The following SLC36A3 variants were observed in gnomAD, a reference collection of about 807,000 sequenced individuals.
The protein encoded by SLC36A3 is proton-coupled amino acid transporter 3.
In SLC36A3, 35 loss-of-function variants were observed where a neutral mutation model predicts 44.3. That is an observed-to-expected ratio of 0.79 (90% CI 0.60 to 1.05). The LOEUF is 1.05. SLC36A3 is among the 50% of genes least tolerant of loss of function. SLC36A3 has a pLI of 0.00. For synonymous variants in SLC36A3, 211 were observed against 227.6 expected (o/e 0.93, Z 0.66); for missense variants, 540 against 578.7 (o/e 0.93, Z 0.69).
At chr5:151,299,250 C>CTA (rs1291436379) in intron 1 of SLC36A3, among the ~76,000 whole-genome samples, 350 of 95,916 alleles carry the variant, frequency 3.6e-3, no homozygotes, top group Non-Finnish European at 6.0e-3. Flanking sequence ...CTCTCTCTCT[C>CTA]TCTCTCTCTC....
In SLC36A3 at chr5:151,303,752, C is replaced by G. The variant is rs6579851; in HGVS notation, c.-398G>C. ...TGGATTGGAGGTCCTGGTGCCTGGA[C>G]GTGGGGCCAGGCTCAGTGCTTGTCT... On this transcript the variant is annotated 5_prime_UTR_variant, in exon 1 of 10. Coordinates refer to ENST00000335230, the MANE Select transcript of SLC36A3 (RefSeq NM_181774.4). 10,045 of 163,942 alleles carry G rather than the reference C, an allele frequency of 0.061. 1,031 individuals carry two copies. The highest frequency in any genetic ancestry group is 0.22 in the African/African-American group (9,271 of 41,934). The allele number at this position is 163,942 out of a possible 1,614,324, so 10.2% of individuals were successfully genotyped here. A position where few individuals can be genotyped will look rare whatever the true frequency, so the allele number is the denominator to read the frequency against.
chr5:151,281,208 A>C (rs1368393), intron 8 of SLC36A3, 25 bp from the exon 9 acceptor site: 1 of 1,582,606 alleles, frequency 6.3e-7, no homozygotes, highest in African/African-American at 1.3e-5. Flanking sequence ...ATTGGATGTG[A>C]AAGGTGATGT....
intron 4 of SLC36A3, among the ~76,000 whole-genome samples, 185 bp downstream of exon 4, chr5:151,293,179 A>T (rs1754822013): frequency 6.6e-6 from 1 of 152,232 alleles, no homozygotes; most frequent in Non-Finnish European, 1.5e-5. Context: ...ATATTTACTA[A>T]CTAGGTTTCA....
chr5:151,277,748 A>G, intron 9 of SLC36A3, 87 bp from the exon 10 acceptor site: 1 of 1,493,166 alleles, frequency 6.7e-7, no homozygotes, highest in East Asian at 2.4e-5. Context: ...CAGACACCTG[A>G]GAGACCACTT....
chr5:151,282,113 T>TG (rs1697443083), intron 8 of SLC36A3, among the ~76,000 whole-genome samples: 1 of 58,900 alleles, frequency 1.7e-5, no homozygotes, highest in African/African-American at 5.1e-5. Flanking sequence ...TTTTCTTTGT[T>TG]TTTTTTTTTT....
At chr5:151,300,177 A>G (rs1165259000) in intron 1 of SLC36A3, among the ~76,000 whole-genome samples, 1 of 152,152 alleles carries the variant, frequency 6.6e-6, no homozygotes, top group Non-Finnish European at 1.5e-5. Context: ...GAGAGCCAAA[A>G]CCAACTGCCC....
In SLC36A3 at chr5:151,287,294, G is replaced by T. The variant is rs751853959; in HGVS notation, c.660C>A (p.Asn220Lys). The T allele has an allele frequency of 6.2e-7, 1 of 1,614,184 alleles. No individual in the cohort carries two copies. Among genetic ancestry groups the T allele is most frequent in the Non-Finnish European group, 8.5e-7 (1 of 1,180,038 alleles). The change falls in exon 6 of 10, where the codon AAC (asparagine) becomes AAA (lysine). Residue 220 changes from asparagine (N) to lysine (K), a missense_variant. Asn to Lys is a moderately conservative substitution (Grantham distance 94). Transcript: ENST00000335230. ...KVLSVFSTLANITTLGSMALI... is the reference protein window; with the variant it reads ...KVLSVFSTLAKITTLGSMALI... Reference sequence around the variant, plus strand: ...GAGCCATGCTCCCAAGGGTGGTGATGTTGGCCAATGTCGAGAAGACGGACA... The same window carrying T: ...GAGCCATGCTCCCAAGGGTGGTGATTTTGGCCAATGTCGAGAAGACGGACA...
intron 4 of SLC36A3, among the ~76,000 whole-genome samples, chr5:151,291,249 T>C (rs1056541608): frequency 6.6e-6 from 1 of 152,212 alleles, no homozygotes; most frequent in Admixed American, 6.5e-5. Context: ...CTCAAGGTGT[T>C]GGGATTACAG....
chr5:151,282,111 G>GTTTTTTTTTTTTTTTTT (rs70976011), intron 8 of SLC36A3, among the ~76,000 whole-genome samples: 2 of 56,104 alleles, frequency 3.6e-5, no homozygotes, highest in African/African-American at 1.4e-4. Flanking sequence ...CTTTTTCTTT[G>GTTTTTTTTTTTTTTTTT]TTTTTTTTTT....
intron 4 of SLC36A3, chr5:151,288,846 G>A (rs1032067761): frequency 6.5e-6 from 1 of 152,672 alleles, no homozygotes; most frequent in African/African-American, 2.4e-5. Context: ...GATCGTTGAG[G>A]TCAGGAGTTC....
intron 6 of SLC36A3, among the ~76,000 whole-genome samples, chr5:151,286,297 A>G (rs1398055653): frequency 6.6e-6 from 1 of 152,102 alleles, no homozygotes; most frequent in Non-Finnish European, 1.5e-5. Flanking sequence ...CATATAACCC[A>G]TGCTTATGTT....
At chr5:151,301,248 G>A (rs1005586538) in intron 1 of SLC36A3, among the ~76,000 whole-genome samples, 6 of 151,894 alleles carry the variant, frequency 4.0e-5, no homozygotes, top group African/African-American at 1.5e-4. Flanking sequence ...CCCCCTTTTT[G>A]CCTGGGGACC....
intron 4 of SLC36A3, among the ~76,000 whole-genome samples, chr5:151,289,892 A>G (rs1321564949): frequency 6.6e-6 from 1 of 152,120 alleles, no homozygotes; most frequent in African/African-American, 2.4e-5. Context: ...CTGTGGGGTA[A>G]AACTTTGAGA....
chr5:151,282,886 CTTT>C (rs11362344), intron 8 of SLC36A3, among the ~76,000 whole-genome samples: 2 of 142,646 alleles, frequency 1.4e-5, no homozygotes, highest in Admixed American at 7.0e-5. Flanking sequence ...TTCTTTCTTT[CTTT>C]TTTTTTTTTT....
intron 1 of SLC36A3, among the ~76,000 whole-genome samples, chr5:151,300,379 T>C (rs941133588): frequency 2.0e-5 from 3 of 152,248 alleles, no homozygotes; most frequent in Non-Finnish European, 1.5e-5. Context: ...TGAAGTCTAT[T>C]GACCTAACTT....
At position 151,277,579 on chromosome 5, in the gene SLC36A3, G is replaced by C; in HGVS notation, c.1227C>G (p.Ile409Met). The change falls in exon 10 of 10, where the codon ATC (isoleucine) becomes ATG (methionine). Residue 409 changes from isoleucine to methionine, a missense_variant. Physicochemically the swap from Ile to Met is conservative, Grantham distance 10 (BLOSUM62 1). Transcript: ENST00000335230. ...TGACGATCTCCAGGAGGGCTGGGAT[G>C]ATGAGAGCCAGGGCGCTGCTGCTCA... is the stretch of plus-strand genomic sequence containing the variant. ...GSVSSSALALIIPALLEIVIF... is the reference protein window; with the variant it reads ...GSVSSSALALMIPALLEIVIF... 6.2e-7 allele frequency: 1 copy of C among 1,614,192 alleles called. No homozygotes were observed. Among genetic ancestry groups the C allele is most frequent in the Non-Finnish European group, 8.5e-7 (1 of 1,180,030 alleles).
chr5:151,291,430 T>C (rs1754754908), intron 4 of SLC36A3, among the ~76,000 whole-genome samples: 1 of 152,238 alleles, frequency 6.6e-6, no homozygotes, highest in Admixed American at 6.5e-5. Flanking sequence ...TACATTCCCC[T>C]TGCCCTGTTT....
chr5:151,297,601 C>CA (rs1307675123), intron 2 of SLC36A3: 1 of 152,164 alleles, frequency 6.6e-6, no homozygotes, highest in East Asian at 1.9e-4. Flanking sequence ...TGGGGACGTG[C>CA]AAAGGGAAAT....
In SLC36A3 at chr5:151,303,440, C is replaced by G. The variant is rs1433819662; in HGVS notation, c.-86G>C. ...GGGTCTTTCTCCAGAGAAACCATGG[C>G]TGCTGACCTGAGATGCTGGCTCCTA... On this transcript the variant is annotated 5_prime_UTR_variant, in exon 1 of 10. Coordinates refer to ENST00000335230, the MANE Select transcript of SLC36A3 (RefSeq NM_181774.4). 1 of 1,452,560 alleles carries G rather than the reference C, an allele frequency of 6.9e-7. No individual in the cohort carries two copies. The highest frequency in any genetic ancestry group is 2.1e-5 in the Admixed American group (1 of 48,580). The allele number at this position is 1,452,560 out of a possible 1,614,324, so 90.0% of individuals were successfully genotyped here.
Sources: allele counts gnomAD v4.1 joint callset (sites outside exome capture counted in the v4.1 genomes callset), GRCh38; gene constraint gnomAD v4.1.1; transcripts MANE v1.5; gene names NCBI Gene and HGNC (gene_info 2026-07-23, HGNC 2026-07-21).